Variants in GRM7 observed in about 807,000 individuals in gnomAD.
GRM7 encodes glutamate metabotropic receptor 7, also known as metabotropic glutamate receptor 7.
Under a neutral mutation model 84.5 loss-of-function variants are expected in GRM7, and 35 were observed. That is an observed-to-expected ratio of 0.41 (90% confidence interval 0.32 to 0.55). GRM7 has a LOEUF of 0.55. Among genes scored for constraint, GRM7 ranks in the 20% least tolerant of loss-of-function variants. GRM7 has a pLI of 0.19. For synonymous variants in GRM7, 487 were observed against 455.1 expected, an observed-to-expected ratio of 1.07 and a Z score of -0.89; for missense variants, 1,003 against 1,194.6, an observed-to-expected ratio of 0.84 and a Z score of 2.36.
At chr3:7,236,638 A>G (rs972479251) in intron 2 of GRM7, among the ~76,000 whole-genome samples, 1 of 152,194 alleles carries the variant, frequency 6.6e-6, no homozygotes, top group African/African-American at 2.4e-5. Flanking sequence ...GCCCATAGCA[A>G]CAAGCTTAGG....
chr3:7,626,756 T>C (rs1361981142), intron 8 of GRM7, among the ~76,000 whole-genome samples: 1 of 152,174 alleles, frequency 6.6e-6, no homozygotes, highest in Non-Finnish European at 1.5e-5. Context: ...TCAATGGCCC[T>C]ATTTATAAAT....
chr3:7,208,658 G>A (rs141860718), intron 2 of GRM7, among the ~76,000 whole-genome samples: 16 of 152,256 alleles, frequency 1.1e-4, no homozygotes, highest in African/African-American at 3.1e-4. Context: ...GTTGGGTCCT[G>A]TGGGGGTTCA....
intron 1 of GRM7, among the ~76,000 whole-genome samples, chr3:7,121,014 C>T (rs1376274394): frequency 6.6e-6 from 1 of 152,090 alleles, no homozygotes; most frequent in Non-Finnish European, 1.5e-5. Context: ...CTTCTTTCTC[C>T]AAATCCAGTC....
intron 9 of GRM7, among the ~76,000 whole-genome samples, chr3:7,740,118 A>G (rs1702640767): frequency 6.6e-6 from 1 of 152,208 alleles, no homozygotes; most frequent in Non-Finnish European, 1.5e-5. Context: ...TAGAGTATAA[A>G]GAGGGAAGCT....
rs550818048 is a variant in GRM7, at chr3:7,309,659, T to A, written c.1033+3007T>A. ...CATTCAAAATAAGCAGAAATTGTGT[T>A]AGGCCAAAATGCTGGCAGATTTATT... is the stretch of plus-strand genomic sequence containing the variant. On this transcript the variant is annotated intron_variant, in intron 4 of 9. Coordinates refer to ENST00000357716, the MANE Select transcript of GRM7 (RefSeq NM_000844.4). 2.0e-5 allele frequency among the ~76,000 whole-genome samples: 3 copies of A among 152,330 alleles called. No individual in the cohort carries two copies. The South Asian group carries it at 6.2e-4, about 32-fold the overall frequency.
chr3:7,669,201 T>A (rs1699825825), intron 8 of GRM7, among the ~76,000 whole-genome samples: 1 of 152,182 alleles, frequency 6.6e-6, no homozygotes, highest in South Asian at 2.1e-4. Context: ...AAATTGTGAT[T>A]AGTGAAACAA....
chr3:7,279,448 T>C (rs1309562174), intron 2 of GRM7, among the ~76,000 whole-genome samples: 3 of 151,990 alleles, frequency 2.0e-5, no homozygotes, highest in Non-Finnish European at 2.9e-5. Context: ...GACCAAACCA[T>C]ATGGAGCAGA....
intron 4 of GRM7, among the ~76,000 whole-genome samples, chr3:7,337,427 C>G (rs74642905): frequency 0.073 from 11,041 of 151,984 alleles, 434 homozygotes; most frequent in Non-Finnish European, 0.09. Context: ...CTTAATTTAG[C>G]AAAAAAGCTT....
At chr3:7,522,452 A>C (rs1047371412) in intron 7 of GRM7, among the ~76,000 whole-genome samples, 2 of 151,932 alleles carry the variant, frequency 1.3e-5, no homozygotes, top group East Asian at 3.9e-4. Flanking sequence ...TAACACACCC[A>C]TTGCTACTGC....
intron 8 of GRM7, among the ~76,000 whole-genome samples, chr3:7,653,178 TC>T (rs1212923794): frequency 1.8e-4 from 24 of 136,880 alleles, no homozygotes; most frequent in African/African-American, 4.5e-4. Flanking sequence ...ACATACTATA[TC>T]CTTTTTTTTT....
chr3:7,723,204 T>G (rs1395070198), intron 9 of GRM7, among the ~76,000 whole-genome samples: 1 of 152,188 alleles, frequency 6.6e-6, no homozygotes, highest in Non-Finnish European at 1.5e-5. Flanking sequence ...AATACCATTA[T>G]CATGTCCAAC....
intron 5 of GRM7, among the ~76,000 whole-genome samples, chr3:7,434,694 TA>T (rs1290490542): frequency 6.6e-6 from 1 of 152,188 alleles, no homozygotes; most frequent in East Asian, 1.9e-4. Flanking sequence ...CATTGGATAA[TA>T]TTTTGCTAAG....
At position 7,103,812 on chromosome 3, in the gene GRM7, TTCTTTC is replaced by T. The variant is rs1227760004; in HGVS notation, c.520-42636_520-42631del. ...TTTCTTTCTTTCTTTCTTTCTTTCT[TTCTTTC>T]TCTCTCTCTCTGTCTCTCTCTCCCT... On this transcript the variant is annotated intron_variant, in intron 1 of 9. Coordinates refer to ENST00000357716, the MANE Select transcript of GRM7 (RefSeq NM_000844.4). Among the ~76,000 whole-genome samples, 73 of 81,808 alleles carry T rather than the reference TTCTTTC, an allele frequency of 8.9e-4. 3 individuals are homozygous for T. Among genetic ancestry groups the T allele is most frequent in the African/African-American group, 1.7e-3 (22 of 12,738 alleles). 53.7% of individuals were successfully genotyped at this position (81,808 alleles called of 152,430 possible).
At chr3:7,646,359 T>C (rs376065622) in intron 8 of GRM7, among the ~76,000 whole-genome samples, 1 of 152,006 alleles carries the variant, frequency 6.6e-6, no homozygotes, top group East Asian at 1.9e-4. Flanking sequence ...ACTCGGCTAA[T>C]TTTTTTGTAT....
intron 2 of GRM7, among the ~76,000 whole-genome samples, chr3:7,174,233 T>C (rs1695073046): frequency 6.6e-6 from 1 of 152,156 alleles, no homozygotes; most frequent in Non-Finnish European, 1.5e-5. Context: ...TGAATACAGA[T>C]TAGAAGATCG....
intron 2 of GRM7, among the ~76,000 whole-genome samples, chr3:7,221,804 A>AT (rs540956206): frequency 0.018 from 1,784 of 97,380 alleles, 51 homozygotes; most frequent in African/African-American, 0.046. Context: ...AATTTCTTGT[A>AT]TTTTTTTTTT....
At chr3:7,097,125 A>G (rs1282476194) in intron 1 of GRM7, among the ~76,000 whole-genome samples, 2 of 152,142 alleles carry the variant, frequency 1.3e-5, no homozygotes, top group Middle Eastern at 3.2e-3. Flanking sequence ...ATGCTGGTCA[A>G]CACTGAGTTG....
At chr3:7,186,156 G>A (rs1365443580) in intron 2 of GRM7, among the ~76,000 whole-genome samples, 4 of 152,170 alleles carry the variant, frequency 2.6e-5, no homozygotes, top group Admixed American at 2.0e-4. Context: ...TAGCTACTTA[G>A]CACCTGCTTC....
chr3:7,651,884 C>A (rs1698957893), intron 8 of GRM7, among the ~76,000 whole-genome samples: 1 of 152,134 alleles, frequency 6.6e-6, no homozygotes, highest in Non-Finnish European at 1.5e-5. Context: ...TTCCCCCAGC[C>A]AAGCCTAGCT....
Sources: allele counts gnomAD v4.1 joint callset (sites outside exome capture counted in the v4.1 genomes callset), GRCh38; gene constraint gnomAD v4.1.1; transcripts MANE v1.5; gene names NCBI Gene and HGNC (gene_info 2026-07-23, HGNC 2026-07-21).